NTRK3: variants seen among roughly 807,000 people sequenced by gnomAD.
The protein encoded by NTRK3 is NT-3 growth factor receptor.
Under a neutral mutation model 91.7 loss-of-function variants are expected in NTRK3, and 24 were observed. That is an observed-to-expected ratio of 0.26 (90% confidence interval 0.19 to 0.37). The LOEUF is 0.37. NTRK3 is among the 10% of genes least tolerant of loss of function. NTRK3 has a pLI of 1.00. For synonymous variants in NTRK3, 483 were observed against 404.0 expected (o/e 1.20, Z -2.34); for missense variants, 880 against 1,068.9 (o/e 0.82, Z 2.46).
At chr15:87,979,399 G>T (rs2074005058) in intron 14 of NTRK3, 2 of 1,613,970 alleles carry the variant, frequency 1.2e-6, no homozygotes, top group Middle Eastern at 1.6e-4. Context: ...CAACATAGAT[G>T]CCATGGTTAA....
rs574557627 is a variant in NTRK3 at position 88,215,105 on chromosome 15, C to T, written c.249-30806G>A. ...AAAGGTATCTGGGTTCCCTCACCTC[C>T]TACCCTATGTGTCTGGCACACCATA... On this transcript the variant is annotated intron_variant, in intron 3 of 18. Transcript: ENST00000394480. 4.6e-5 allele frequency among the ~76,000 whole-genome samples: 7 copies of T among 152,316 alleles called. No homozygotes were observed. The South Asian group carries it at 1.4e-3, about 32-fold the overall frequency.
At chr15:87,896,966 C>T (rs2066161849) in intron 17 of NTRK3, among the ~76,000 whole-genome samples, 2 of 152,150 alleles carry the variant, frequency 1.3e-5, no homozygotes, top group Admixed American at 1.3e-4. Flanking sequence ...GAAAATGCAG[C>T]GAAAACTCAC....
intron 5 of NTRK3, among the ~76,000 whole-genome samples, chr15:88,179,432 C>A (rs1467658177): frequency 1.3e-5 from 2 of 152,180 alleles, no homozygotes; most frequent in Non-Finnish European, 2.9e-5. Flanking sequence ...ACAAAGCCAC[C>A]TACCATACCC....
chr15:88,100,979 C>A (rs532374770), intron 13 of NTRK3, among the ~76,000 whole-genome samples: 7 of 152,154 alleles, frequency 4.6e-5, no homozygotes, highest in Non-Finnish European at 5.9e-5. Flanking sequence ...GTCTAAAACA[C>A]CAAAAGCAAT....
chr15:88,058,313 C>G (rs1241073961), intron 13 of NTRK3, among the ~76,000 whole-genome samples: 1 of 152,178 alleles, frequency 6.6e-6, no homozygotes, highest in Non-Finnish European at 1.5e-5. Context: ...TACTTAACGT[C>G]TCTCAGTTTT....
At chr15:88,041,549 T>TC (rs1449714656) in intron 13 of NTRK3, among the ~76,000 whole-genome samples, 1 of 152,128 alleles carries the variant, frequency 6.6e-6, no homozygotes, top group Non-Finnish European at 1.5e-5. Flanking sequence ...CTTGTCACAT[T>TC]CCCTTTTTCC....
intron 5 of NTRK3, among the ~76,000 whole-genome samples, chr15:88,167,744 G>A (rs1167418732): frequency 6.6e-6 from 1 of 152,108 alleles, no homozygotes; most frequent in African/African-American, 2.4e-5. Context: ...GCCCCAAGCA[G>A]ATGCATCCAT....
intron 17 of NTRK3, among the ~76,000 whole-genome samples, chr15:87,917,987 GT>G (rs944067908): frequency 1.9e-5 from 2 of 107,746 alleles, no homozygotes; most frequent in African/African-American, 1.1e-4. Context: ...CCATTTCACT[GT>G]TTTTTTGTGT....
intron 15 of NTRK3, among the ~76,000 whole-genome samples, chr15:87,937,318 G>A (rs532642151): frequency 5.0e-4 from 76 of 152,280 alleles, no homozygotes; most frequent in Middle Eastern, 6.8e-3. Flanking sequence ...AAATATGAAT[G>A]TAGATTGGAG....
intron 14 of NTRK3, among the ~76,000 whole-genome samples, chr15:87,989,601 T>C (rs1338586950): frequency 6.6e-6 from 1 of 151,668 alleles, no homozygotes; most frequent in East Asian, 1.9e-4. Flanking sequence ...TGTATACATA[T>C]GTAACAAACC....
intron 3 of NTRK3, among the ~76,000 whole-genome samples, chr15:88,219,438 G>C (rs1335030989): frequency 2.0e-5 from 3 of 152,230 alleles, no homozygotes; most frequent in African/African-American, 7.2e-5. Context: ...TCACTGTGCA[G>C]GGCTGGACCC....
At chr15:88,100,363 C>A (rs1448110979) in intron 13 of NTRK3, among the ~76,000 whole-genome samples, 1 of 152,144 alleles carries the variant, frequency 6.6e-6, no homozygotes, top group East Asian at 1.9e-4. Flanking sequence ...ATCTGGAGAG[C>A]CATATGCAGA....
chr15:88,169,335 C>T (rs1375551833), intron 5 of NTRK3, among the ~76,000 whole-genome samples: 2 of 152,162 alleles, frequency 1.3e-5, no homozygotes, highest in African/African-American at 4.8e-5. Flanking sequence ...CAGAGTATGG[C>T]AGGTAGTTCA....
In NTRK3 at chr15:88,126,391, CAGAG is replaced by C. The variant is rs769921486; in HGVS notation, c.1294-22_1294-19del. The C allele has an allele frequency of 5.8e-6, 9 of 1,560,338 alleles. No individual in the cohort carries two copies. The African/African-American group carries it at 8.1e-5, about 14-fold the overall frequency. ...ATGGATACCTGTGAGGAACCAGAAA[CAGAG>C]AGTCAGCAACAATCACAGAAAACCC... On this transcript the variant is annotated intron_variant, in intron 12 of 18. Transcript: ENST00000394480.
At chr15:88,042,558 T>A (rs1407086088) in intron 13 of NTRK3, among the ~76,000 whole-genome samples, 1 of 152,216 alleles carries the variant, frequency 6.6e-6, no homozygotes, top group Non-Finnish European at 1.5e-5. Context: ...AGATAAGCTT[T>A]ATTCTCTGGC....
At chr15:88,128,290 G>T (rs76328730) in intron 11 of NTRK3, among the ~76,000 whole-genome samples, 3 of 152,142 alleles carry the variant, frequency 2.0e-5, no homozygotes, top group Non-Finnish European at 2.9e-5. Flanking sequence ...CTCATGAGGC[G>T]AGTCCTGGCC....
chr15:88,147,346 A>T (rs1201534314), exon 6 of NTRK3: 2 of 1,613,660 alleles, frequency 1.2e-6, no homozygotes, highest in Non-Finnish European at 8.5e-7. Context: ...ATTCCCGAAG[A>T]CTCAGCGTCT....
chr15:88,058,289 G>T (rs1413126157), intron 13 of NTRK3, among the ~76,000 whole-genome samples: 3 of 152,184 alleles, frequency 2.0e-5, no homozygotes, highest in African/African-American at 7.2e-5. Context: ...CTAGATGAGA[G>T]GCCTTGGGGA....
intron 3 of NTRK3, among the ~76,000 whole-genome samples, chr15:88,196,956 C>T (rs1474307370): frequency 3.9e-5 from 6 of 152,118 alleles, no homozygotes; most frequent in Non-Finnish European, 1.5e-5. Flanking sequence ...CTTTCCCAAA[C>T]TACCTTCAAT....
Sources: gnomAD v4.1 joint callset for allele counts (sites outside exome capture counted in the v4.1 genomes callset) on GRCh38, gnomAD v4.1.1 for gene constraint, MANE v1.5 for transcripts, NCBI Gene and HGNC (gene_info 2026-07-23, HGNC 2026-07-21) for gene names.